The following CSGALNACT1 variants were observed in gnomAD, a reference collection of about 807,000 sequenced individuals.
CSGALNACT1 encodes the protein beta4GalNAcT-1.
Under a neutral mutation model 51.0 loss-of-function variants are expected in CSGALNACT1, and 52 were observed. The ratio of observed to expected loss-of-function variants is 1.02; its 90% CI spans 0.82 to 1.29. The LOEUF (loss-of-function observed/expected upper bound fraction) is 1.29. Ranked by LOEUF, CSGALNACT1 falls within the 50% of genes most tolerant of loss-of-function variation. The probability of loss-of-function intolerance (pLI) is 0.00; values close to 1 mark genes in which losing one functional copy is unlikely to be tolerated. For synonymous variants in CSGALNACT1, 341 were observed against 254.4 expected (o/e 1.34, Z -3.24); for missense variants, 935 against 679.2 (o/e 1.38, Z -4.19).
chr8:19,445,155 C>A (rs1371582257), intron 5 of CSGALNACT1, among the ~76,000 whole-genome samples: 1 of 152,188 alleles, frequency 6.6e-6, no homozygotes, highest in Non-Finnish European at 1.5e-5. Flanking sequence ...TCCCTGCAGA[C>A]TGAATCATCA....
At chr8:19,446,453 A>T (rs911556999) in intron 5 of CSGALNACT1, among the ~76,000 whole-genome samples, 1 of 152,086 alleles carries the variant, frequency 6.6e-6, no homozygotes, top group Non-Finnish European at 1.5e-5. Flanking sequence ...CGAGCTCCCC[A>T]TTCCCACTGG....
chr8:19,505,324 G>C (rs1254290985), exon 4 of CSGALNACT1: 4 of 1,614,036 alleles, frequency 2.5e-6, no homozygotes, highest in African/African-American at 1.3e-5. Flanking sequence ...TTCCTCACAG[G>C]CTTCTCCTCG....
rs539468563 is a variant in CSGALNACT1, at chr8:19,660,606, C to T, written c.-544+21867G>A. On this transcript the variant is annotated intron_variant, in intron 1 of 9. Coordinates refer to the CSGALNACT1 transcript ENST00000332246. The stretch of plus-strand genomic sequence containing the variant: ...TGGTACATCTAAAGAGTCTGGGGTT[C>T]TGAGTTAATTTGTGTGCCACCATGC... Among the ~76,000 whole-genome samples, 27 of 152,274 alleles carry T rather than the reference C, an allele frequency of 1.8e-4. No individual in the cohort carries two copies. The South Asian group carries it at 5.6e-3, about 32-fold the overall frequency.
intron 1 of CSGALNACT1, among the ~76,000 whole-genome samples, chr8:19,655,105 C>T (rs138045359): frequency 5.9e-5 from 9 of 152,210 alleles, no homozygotes; most frequent in South Asian, 2.1e-4. Context: ...ATGGCCTAAT[C>T]GCTCTTTGGA....
chr8:19,447,823 C>G (rs1015512796), intron 5 of CSGALNACT1, among the ~76,000 whole-genome samples: 1 of 152,210 alleles, frequency 6.6e-6, no homozygotes, highest in Non-Finnish European at 1.5e-5. Flanking sequence ...CTTTTGTGGA[C>G]TCACCTGTGA....
chr8:19,553,620 C>CATATAT (rs769189103), intron 3 of CSGALNACT1, among the ~76,000 whole-genome samples: 4 of 71,564 alleles, frequency 5.6e-5, no homozygotes, highest in East Asian at 3.6e-4. Context: ...TATATAAATA[C>CATATAT]ATATATATAT....
At chr8:19,636,343 T>A (rs2056061477) in intron 1 of CSGALNACT1, among the ~76,000 whole-genome samples, 1 of 152,178 alleles carries the variant, frequency 6.6e-6, no homozygotes, top group Admixed American at 6.5e-5. Context: ...AACACTATAA[T>A]ATATATTAGG....
chr8:19,520,934 G>A (rs2154029878), intron 3 of CSGALNACT1, among the ~76,000 whole-genome samples: 1 of 152,268 alleles, frequency 6.6e-6, no homozygotes. Flanking sequence ...CATGCCACAT[G>A]GCTTCTCTAC....
At chr8:19,537,144 G>A (rs759894347) in intron 3 of CSGALNACT1, among the ~76,000 whole-genome samples, 23 of 152,284 alleles carry the variant, frequency 1.5e-4, no homozygotes, top group Non-Finnish European at 2.9e-4. Flanking sequence ...TTCCTCATGA[G>A]TAAGCAGAAA....
At chr8:19,555,671 C>T (rs1188799869) in intron 3 of CSGALNACT1, among the ~76,000 whole-genome samples, 1 of 152,214 alleles carries the variant, frequency 6.6e-6, no homozygotes, top group Non-Finnish European at 1.5e-5. Context: ...AACTATACAT[C>T]TTCAGACTTC....
intron 1 of CSGALNACT1, among the ~76,000 whole-genome samples, chr8:19,734,295 C>CTT (rs1319449404): frequency 2.0e-5 from 3 of 152,220 alleles, no homozygotes; most frequent in African/African-American, 7.2e-5. Context: ...TGCCACATAA[C>CTT]TTAAGAGAAT....
At chr8:19,450,323 G>T (rs897120841) in intron 5 of CSGALNACT1, among the ~76,000 whole-genome samples, 1 of 151,254 alleles carries the variant, frequency 6.6e-6, no homozygotes, top group African/African-American at 2.4e-5. Flanking sequence ...GGAGGAGGAG[G>T]AGAGGAAGAG....
Position 19,406,075 on chromosome 8 carries a change from G to C in CSGALNACT1, c.1310-6C>G, listed in dbSNP as rs376979679. ...GATGTCCAGATCAAACCCACCTGTC[G>C]GGACAGAACACACTGTTGAATCACA... On this transcript the variant is annotated splice_polypyrimidine_tract_variant and splice_region_variant and intron_variant, in intron 9 of 9. Transcript: ENST00000454498. The C allele has an allele frequency of 6.2e-7, 1 of 1,613,948 alleles. No homozygotes were observed. The highest frequency in any genetic ancestry group is 1.7e-5 in the Admixed American group (1 of 59,992).
upstream of CSGALNACT1, among the ~76,000 whole-genome samples, chr8:19,607,085 GC>G (rs1277613406): frequency 6.6e-6 from 1 of 151,920 alleles, no homozygotes; most frequent in Non-Finnish European, 1.5e-5. Flanking sequence ...AAATCAGGAG[GC>G]AGAGTGTGCA....
At chr8:19,711,025 C>G (rs941189073) in intron 1 of CSGALNACT1, among the ~76,000 whole-genome samples, 8 of 152,146 alleles carry the variant, frequency 5.3e-5, no homozygotes, top group African/African-American at 1.9e-4. Flanking sequence ...CCACCCACCC[C>G]CTGCTGCTAT....
intron 1 of CSGALNACT1, among the ~76,000 whole-genome samples, chr8:19,722,290 A>C (rs1007975378): frequency 2.6e-5 from 4 of 152,178 alleles, no homozygotes; most frequent in Admixed American, 6.5e-5. Flanking sequence ...GGCCTCCATC[A>C]GTATTTTTTA....
intron 2 of CSGALNACT1, among the ~76,000 whole-genome samples, chr8:19,600,468 A>G (rs1206754401): frequency 6.6e-6 from 1 of 152,170 alleles, no homozygotes; most frequent in Non-Finnish European, 1.5e-5. Context: ...GGTTGTAATG[A>G]CATTGCTCTC....
At chr8:19,613,343 A>G (rs2052567583) in intron 1 of CSGALNACT1, among the ~76,000 whole-genome samples, 1 of 152,264 alleles carries the variant, frequency 6.6e-6, no homozygotes. Context: ...AAAAGTTAAA[A>G]TATAGATCAT....
intron 1 of CSGALNACT1, among the ~76,000 whole-genome samples, chr8:19,735,559 T>C (rs1017140663): frequency 2.0e-5 from 3 of 152,114 alleles, no homozygotes; most frequent in African/African-American, 7.2e-5. Context: ...AAATTGCAGA[T>C]ATTGGAACTA....
Sources: gnomAD v4.1 joint callset for allele counts (sites outside exome capture counted in the v4.1 genomes callset) on GRCh38, gnomAD v4.1.1 for gene constraint, MANE v1.5 for transcripts, NCBI Gene and HGNC (gene_info 2026-07-23, HGNC 2026-07-21) for gene names.